PCLO: variants seen among roughly 807,000 people sequenced by gnomAD.
PCLO encodes protein piccolo.
A neutral mutation model predicts 427.5 loss-of-function variants in PCLO; 82 were observed. That is an observed-to-expected ratio of 0.19 (90% CI 0.16 to 0.23). The LOEUF (loss-of-function observed/expected upper bound fraction) is 0.23. Ranked by LOEUF, PCLO falls within the 10% of genes least tolerant of loss-of-function variation. The probability of loss-of-function intolerance (pLI) is 1.00; values close to 1 mark genes in which losing one functional copy is unlikely to be tolerated. For synonymous variants in PCLO, 2,357 were observed against 2,155.4 expected (o/e 1.09, Z -2.59); for missense variants, 6,239 against 6,115.9 (o/e 1.02, Z -0.67).
At chr7:83,007,951 T>A (rs1562915567) in intron 3 of PCLO, among the ~76,000 whole-genome samples, 3 of 151,662 alleles carry the variant, frequency 2.0e-5, no homozygotes, top group African/African-American at 7.2e-5. Context: ...GACATCTACA[T>A]GTGTGAGGAA....
chr7:83,097,055 TATTATAC>T lies in PCLO; in HGVS notation c.3300+37188_3300+37194del, dbSNP rs1291492644. Among the ~76,000 whole-genome samples, 3 of 69,630 alleles carry T rather than the reference TATTATAC, an allele frequency of 4.3e-5. 1 individual carries two copies. The highest frequency in any genetic ancestry group is 6.9e-5 in the Non-Finnish European group (3 of 43,180). 45.7% of individuals were successfully genotyped at this position (69,630 alleles called of 152,430 possible). On this transcript the variant is annotated intron_variant, in intron 3 of 24. Transcript: ENST00000333891. ...ATATATATTATATATTATATAAATA[TATTATAC>T]ATTATACATTATATAAATATATTAT... is the stretch of plus-strand genomic sequence containing the variant.
intron 10 of PCLO, among the ~76,000 whole-genome samples, chr7:82,876,529 C>T (rs751121264): frequency 6.6e-6 from 1 of 151,354 alleles, no homozygotes; most frequent in Non-Finnish European, 1.5e-5. Flanking sequence ...TGGTCTAAAC[C>T]AGGTGAATAC....
At chr7:83,109,822 A>C (rs1348774733) in intron 3 of PCLO, among the ~76,000 whole-genome samples, 1 of 152,070 alleles carries the variant, frequency 6.6e-6, no homozygotes, top group Non-Finnish European at 1.5e-5. Flanking sequence ...CATTTTATTT[A>C]ATATAAGTAT....
At chr7:83,086,899 T>C (rs996725818) in intron 3 of PCLO, among the ~76,000 whole-genome samples, 1 of 152,110 alleles carries the variant, frequency 6.6e-6, no homozygotes, top group East Asian at 1.9e-4. Context: ...TAAAAAAGGA[T>C]GAGTTCATGT....
chr7:82,900,985 T>C lies in PCLO; in HGVS notation c.13528+1666A>G, dbSNP rs150686486. On this transcript the variant is annotated intron_variant, in intron 9 of 24. Transcript: ENST00000333891. Reference sequence around the variant, plus strand: ...ATAAATTCACAGTGTTCAAATTGAGTAGAAATAGGGGAATTTGTTCCTTAG... The same window carrying C: ...ATAAATTCACAGTGTTCAAATTGAGCAGAAATAGGGGAATTTGTTCCTTAG... Among the ~76,000 whole-genome samples, 882 of 151,746 alleles carry C rather than the reference T, an allele frequency of 5.8e-3. 12 individuals carry two copies. The highest frequency in any genetic ancestry group is 0.02 in the African/African-American group (833 of 41,474).
chr7:82,869,898 T>A (rs1019213057), intron 10 of PCLO, among the ~76,000 whole-genome samples: 2 of 152,022 alleles, frequency 1.3e-5, no homozygotes, highest in African/African-American at 4.8e-5. Flanking sequence ...TTCATTCTTA[T>A]GTGTCCTCTT....
At chr7:83,052,555 G>A (rs370935676) in intron 3 of PCLO, among the ~76,000 whole-genome samples, 1 of 151,954 alleles carries the variant, frequency 6.6e-6, no homozygotes, top group East Asian at 1.9e-4. Flanking sequence ...GTTGAGCATA[G>A]TGTCTCAAAT....
intron 22 of PCLO, among the ~76,000 whole-genome samples, chr7:82,776,912 A>AGTG (rs1562781321): frequency 2.6e-4 from 39 of 151,446 alleles, no homozygotes; most frequent in African/African-American, 9.0e-4. Flanking sequence ...ATACGCACAC[A>AGTG]CACACACACA....
At chr7:82,878,850 T>G (rs899698329) in intron 10 of PCLO, among the ~76,000 whole-genome samples, 1 of 152,178 alleles carries the variant, frequency 6.6e-6, no homozygotes, top group Admixed American at 6.5e-5. Flanking sequence ...GCACCCAGGC[T>G]TGATATGTAA....
chr7:83,048,433 T>C (rs1224799732), intron 3 of PCLO, among the ~76,000 whole-genome samples: 5 of 152,080 alleles, frequency 3.3e-5, no homozygotes, highest in Non-Finnish European at 2.9e-5. Context: ...AATTAGATCA[T>C]ATTTCAGGAT....
intron 3 of PCLO, among the ~76,000 whole-genome samples, chr7:82,984,612 T>C (rs1796219186): frequency 6.6e-6 from 1 of 152,038 alleles, no homozygotes. Context: ...TCCAGTACTA[T>C]GAGCTTTAAC....
At chr7:82,787,444 C>G (rs560774981) in intron 22 of PCLO, among the ~76,000 whole-genome samples, 71 of 152,198 alleles carry the variant, frequency 4.7e-4, no homozygotes, top group Admixed American at 1.2e-3. Flanking sequence ...ATAATTTCAT[C>G]TCATTCTATT....
At chr7:83,107,515 T>C (rs938069190) in intron 3 of PCLO, among the ~76,000 whole-genome samples, 2 of 151,952 alleles carry the variant, frequency 1.3e-5, no homozygotes, top group Admixed American at 6.6e-5. Flanking sequence ...CCCTGTAAAA[T>C]TAATTTTGAG....
At chr7:82,967,197 C>CTTTTTTTTTTTTT (rs766172385) in intron 3 of PCLO, among the ~76,000 whole-genome samples, 1 of 133,186 alleles carries the variant, frequency 7.5e-6, no homozygotes, top group Non-Finnish European at 1.7e-5. Context: ...TTCTTCTTTT[C>CTTTTTTTTTTTTT]TTTTTTTTTT....
chr7:83,151,931 C>T (rs1489027437), intron 2 of PCLO, among the ~76,000 whole-genome samples: 1 of 151,306 alleles, frequency 6.6e-6, no homozygotes, highest in African/African-American at 2.4e-5. Context: ...AAACAAAGGA[C>T]TCTGTGAACT....
At chr7:82,990,492 G>A (rs749012332) in intron 3 of PCLO, among the ~76,000 whole-genome samples, 9 of 151,986 alleles carry the variant, frequency 5.9e-5, no homozygotes, top group Non-Finnish European at 8.8e-5. Context: ...TTCTAAATTG[G>A]TTCAGATTAA....
intron 3 of PCLO, among the ~76,000 whole-genome samples, chr7:83,076,252 G>C (rs1259556998): frequency 6.6e-6 from 1 of 151,598 alleles, no homozygotes; most frequent in Non-Finnish European, 1.5e-5. Flanking sequence ...TCTTTCAAAG[G>C]GTAAATGGTG....
chr7:82,898,528 T>C (rs1793962162), intron 9 of PCLO, among the ~76,000 whole-genome samples: 1 of 151,440 alleles, frequency 6.6e-6, no homozygotes, highest in Non-Finnish European at 1.5e-5. Flanking sequence ...ATAGTAGTTT[T>C]ACTATCAATA....
chr7:83,013,728 A>G (rs1788141817), intron 3 of PCLO, among the ~76,000 whole-genome samples: 1 of 152,218 alleles, frequency 6.6e-6, no homozygotes, highest in African/African-American at 2.4e-5. Flanking sequence ...GTAACTTCTG[A>G]GACTGCTTTC....
Sources: gnomAD v4.1 joint callset for allele counts (sites outside exome capture counted in the v4.1 genomes callset) on GRCh38, gnomAD v4.1.1 for gene constraint, MANE v1.5 for transcripts, NCBI Gene and HGNC (gene_info 2026-07-23, HGNC 2026-07-21) for gene names.